Variants in MTA3 observed in about 807,000 individuals in gnomAD.
MTA3 encodes metastasis-associated protein MTA3.
Under a neutral mutation model 83.5 loss-of-function variants are expected in MTA3, and 34 were observed. The ratio of observed to expected loss-of-function variants is 0.41; its 90% CI spans 0.31 to 0.54. MTA3 has a LOEUF of 0.54. Among genes scored for constraint, MTA3 ranks in the 20% least tolerant of loss-of-function variants. MTA3 has a pLI of 0.33. For missense variants in MTA3, 761 were observed against 726.4 expected (o/e 1.05, Z -0.55); for synonymous variants, 303 against 252.7 (o/e 1.20, Z -1.89).
At chr2:42,517,319 C>G (rs1488850774) in intron 2 of MTA3, among the ~76,000 whole-genome samples, 1 of 151,550 alleles carries the variant, frequency 6.6e-6, no homozygotes, top group Non-Finnish European at 1.5e-5. Context: ...CACCCCTAAT[C>G]CCAGCACTTT....
chr2:42,623,531 C>T (rs1036125488), intron 4 of MTA3, among the ~76,000 whole-genome samples: 1 of 152,168 alleles, frequency 6.6e-6, no homozygotes, highest in East Asian at 1.9e-4. Flanking sequence ...CAGGTGGCCA[C>T]AGCAGGGGAA....
intron 2 of MTA3, among the ~76,000 whole-genome samples, chr2:42,500,624 G>A (rs903942700): frequency 1.3e-5 from 2 of 151,940 alleles, no homozygotes. Context: ...GTGTAAGGGA[G>A]GGGAAAAATT....
chr2:42,756,812 G>C lies in MTA3; in HGVS notation c.*3413G>C. ...TGCCAGGGAAGCTAACCCAGAGCAC[G>C]CACCTGTGCTCATGAGTGTTTCCGC... On this transcript the variant is annotated 3_prime_UTR_variant, in exon 17 of 17. Transcript: ENST00000405094. 2.0e-6 allele frequency: 2 copies of C among 985,372 alleles called. No individual in the cohort carries two copies. Among genetic ancestry groups the C allele is most frequent in the South Asian group, 4.7e-5 (1 of 21,286 alleles). 61.0% of individuals were successfully genotyped at this position (985,372 alleles called of 1,614,324 possible).
rs545379202 is a variant in MTA3 at position 42,555,289 on chromosome 2, C to T, written c.-140-15148C>T. Among the ~76,000 whole-genome samples the T allele has an allele frequency of 2.0e-5, 3 of 150,758 alleles. No individual in the cohort carries two copies. In the South Asian group the frequency reaches 6.3e-4, roughly 32 times the overall value. Reference sequence around the variant, plus strand: ...ACCAGCCTGACCAACATGGAGAAACCCCATCTCTGCTAAAAATTAGCCGGG... The same window carrying T: ...ACCAGCCTGACCAACATGGAGAAACTCCATCTCTGCTAAAAATTAGCCGGG... On this transcript the variant is annotated intron_variant, in intron 2 of 17. Coordinates refer to the MTA3 transcript ENST00000405592.
chr2:42,653,612 TCTC>T (rs1219849953), intron 6 of MTA3, among the ~76,000 whole-genome samples: 1 of 152,228 alleles, frequency 6.6e-6, no homozygotes, highest in African/African-American at 2.4e-5. Context: ...CTATTTTTCT[TCTC>T]AGCCTATGGT....
chr2:42,527,493 A>G (rs377583908), intron 2 of MTA3, among the ~76,000 whole-genome samples: 1 of 152,160 alleles, frequency 6.6e-6, no homozygotes, highest in South Asian at 2.1e-4. Context: ...TTTGTTCACA[A>G]TAGCAATGAA....
At chr2:42,690,735 C>T (rs1472660053) in intron 9 of MTA3, among the ~76,000 whole-genome samples, 2 of 147,394 alleles carry the variant, frequency 1.4e-5, no homozygotes, top group East Asian at 2.0e-4. Context: ...AGTGCAGTGG[C>T]GCAATCTTGG....
intron 3 of MTA3, among the ~76,000 whole-genome samples, chr2:42,583,058 G>A (rs937114247): frequency 6.6e-6 from 1 of 151,966 alleles, no homozygotes; most frequent in Non-Finnish European, 1.5e-5. Context: ...TTGTGTTATA[G>A]ATATATTTTA....
intron 3 of MTA3, among the ~76,000 whole-genome samples, chr2:42,606,560 A>G (rs1417715415): frequency 1.8e-4 from 18 of 102,282 alleles, no homozygotes; most frequent in South Asian, 8.3e-4. Context: ...CCTAGATGGG[A>G]TGGCGGCCGG....
intron 3 of MTA3, among the ~76,000 whole-genome samples, chr2:42,600,540 A>G (rs1352341242): frequency 1.4e-5 from 2 of 143,120 alleles, no homozygotes; most frequent in Non-Finnish European, 3.1e-5. Flanking sequence ...ATTCAGGCCC[A>G]TGTTTCTTTG....
chr2:42,518,027 A>C (rs902138810), intron 2 of MTA3, among the ~76,000 whole-genome samples: 3 of 151,874 alleles, frequency 2.0e-5, no homozygotes, highest in African/African-American at 7.3e-5. Flanking sequence ...CTCTACTAAA[A>C]TACAAAAAAT....
At chr2:42,556,258 A>T (rs538197585) in intron 2 of MTA3, among the ~76,000 whole-genome samples, 2 of 152,000 alleles carry the variant, frequency 1.3e-5, no homozygotes, top group African/African-American at 4.8e-5. Flanking sequence ...GTCTCCCGAA[A>T]GCCTATAGAT....
upstream of MTA3, among the ~76,000 whole-genome samples, chr2:42,563,886 C>G (rs1292093081): frequency 6.6e-6 from 1 of 151,076 alleles, no homozygotes; most frequent in African/African-American, 2.4e-5. Context: ...TGCAATGGCG[C>G]GATCTCGGCT....
At chr2:42,731,378 G>A (rs566515185) in intron 16 of MTA3, among the ~76,000 whole-genome samples, 1 of 152,314 alleles carries the variant, frequency 6.6e-6, no homozygotes, top group East Asian at 1.9e-4. Context: ...CTGAGACTGG[G>A]AAGAAAAAGA....
chr2:42,742,586 GA>G (rs1042314335), intron 16 of MTA3, among the ~76,000 whole-genome samples: 1 of 151,922 alleles, frequency 6.6e-6, no homozygotes, highest in African/African-American at 2.4e-5. Context: ...AGAGAGAAGG[GA>G]AAAAAAGGAA....
At chr2:42,570,552 C>T (rs1212507994) in intron 2 of MTA3, 48 bp downstream of exon 2, 3 of 1,151,374 alleles carry the variant, frequency 2.6e-6, no homozygotes, top group East Asian at 2.6e-5. Flanking sequence ...ATTTATTTTC[C>T]CTTGATGGGT....
At chr2:42,516,720 C>G (rs1675161795) in intron 2 of MTA3, among the ~76,000 whole-genome samples, 1 of 152,078 alleles carries the variant, frequency 6.6e-6, no homozygotes, top group Non-Finnish European at 1.5e-5. Context: ...ACAAAGAAGT[C>G]AATGAATATT....
At chr2:42,602,279 A>G (rs1682674863) in intron 3 of MTA3, among the ~76,000 whole-genome samples, 1 of 152,148 alleles carries the variant, frequency 6.6e-6, no homozygotes, top group Non-Finnish European at 1.5e-5. Context: ...ACCCAGCCTT[A>G]GTTGTTGTTC....
At chr2:42,751,122 A>G (rs558855529) in intron 16 of MTA3, among the ~76,000 whole-genome samples, 2 of 152,254 alleles carry the variant, frequency 1.3e-5, no homozygotes, top group Non-Finnish European at 2.9e-5. Flanking sequence ...AAAGGAAACT[A>G]ACTCAGAAGC....
Sources: allele counts gnomAD v4.1 joint callset (sites outside exome capture counted in the v4.1 genomes callset), GRCh38; gene constraint gnomAD v4.1.1; transcripts MANE v1.5; gene names NCBI Gene and HGNC (gene_info 2026-07-23, HGNC 2026-07-21).